KAT2B: variants seen among roughly 807,000 people sequenced by gnomAD.
The protein encoded by KAT2B is histone acetyltransferase KAT2B.
A neutral mutation model predicts 105.9 loss-of-function variants in KAT2B; 36 were observed. That is an observed-to-expected ratio of 0.34 (90% confidence interval 0.26 to 0.45). The LOEUF (loss-of-function observed/expected upper bound fraction) is 0.45. Among genes scored for constraint, KAT2B ranks in the 20% least tolerant of loss-of-function variants. The pLI is 1.00. For missense variants in KAT2B, 820 were observed against 1,021.6 expected, an observed-to-expected ratio of 0.80 and a Z score of 2.69; for synonymous variants, 397 against 377.9, an observed-to-expected ratio of 1.05 and a Z score of -0.59.
chr3:20,064,944 A>G (rs13078078), intron 1 of KAT2B, among the ~76,000 whole-genome samples: 1 of 152,182 alleles, frequency 6.6e-6, no homozygotes, highest in Non-Finnish European at 1.5e-5. Context: ...CCACTCAAAT[A>G]TCTTCACACC....
chr3:20,105,383 G>T (rs1195777532), intron 5 of KAT2B, among the ~76,000 whole-genome samples: 1 of 152,198 alleles, frequency 6.6e-6, no homozygotes, highest in Non-Finnish European at 1.5e-5. Context: ...CTGTCCAACA[G>T]TCTGCTGAAG....
At chr3:20,149,731 A>G (rs1559334752) in intron 17 of KAT2B, among the ~76,000 whole-genome samples, 1 of 152,100 alleles carries the variant, frequency 6.6e-6, no homozygotes, top group Non-Finnish European at 1.5e-5. Flanking sequence ...ACTTACCACT[A>G]TTTATTTCAG....
intron 2 of KAT2B, among the ~76,000 whole-genome samples, chr3:20,079,058 AATT>A (rs747840974): frequency 4.9e-4 from 71 of 144,334 alleles, no homozygotes; most frequent in African/African-American, 1.7e-3. Flanking sequence ...TAATTTTTAT[AATT>A]ATTATTATTA....
intron 2 of KAT2B, 73 bp from the exon 3 acceptor site, chr3:20,095,190 C>T (rs950501561): frequency 2.5e-5 from 31 of 1,242,740 alleles, no homozygotes; most frequent in Non-Finnish European, 3.3e-5. Context: ...GAAAGAGGAC[C>T]TTCCACTTAA....
chr3:20,073,341 C>G (rs1431176238), intron 2 of KAT2B, among the ~76,000 whole-genome samples: 1 of 152,200 alleles, frequency 6.6e-6, no homozygotes, highest in Non-Finnish European at 1.5e-5. Context: ...GCTCTTTCCA[C>G]CTGACCATTA....
rs1698910015 is a variant in KAT2B, at chr3:20,101,501, C to T, written c.851+33C>T. 1.9e-6 allele frequency: 3 copies of T among 1,597,144 alleles called. No homozygotes were observed. The African/African-American group carries it at 4.0e-5, about 21-fold the overall frequency. ...GATGCAAGTTCTTTTCCTTTGGCCC[C>T]ATAAAGCCTGTTACAGACCTAAAAT... On this transcript the variant is annotated intron_variant, in intron 5 of 17. Coordinates refer to ENST00000263754, the MANE Select transcript of KAT2B (RefSeq NM_003884.5).
chr3:20,118,199 A>G (rs1173653628), intron 7 of KAT2B, among the ~76,000 whole-genome samples: 1 of 146,978 alleles, frequency 6.8e-6, no homozygotes, highest in Non-Finnish European at 1.5e-5. Context: ...AAATTTATAT[A>G]TAATATACTA....
intron 14 of KAT2B, 31 bp downstream of exon 14, chr3:20,146,461 T>C (rs564219878): frequency 7.9e-7 from 1 of 1,266,494 alleles, no homozygotes; most frequent in African/African-American, 1.5e-5. Flanking sequence ...AAAAGCGAAA[T>C]TTTTTAGTAA....
intron 17 of KAT2B, among the ~76,000 whole-genome samples, chr3:20,149,324 C>G (rs1044421607): frequency 6.6e-6 from 1 of 151,304 alleles, no homozygotes; most frequent in African/African-American, 2.4e-5. Flanking sequence ...TAGTGAGACC[C>G]TGTCTCTACA....
intron 5 of KAT2B, among the ~76,000 whole-genome samples, chr3:20,107,756 T>A (rs1056048183): frequency 6.6e-6 from 1 of 151,192 alleles, no homozygotes; most frequent in African/African-American, 2.4e-5. Flanking sequence ...CTTACTTTCT[T>A]AGTACTGAGT....
At position 20,134,026 on chromosome 3, in the gene KAT2B, A is replaced by AC. The variant is rs200481068; in HGVS notation, c.1750-2909dup. ...TCTTTGTAATATATGTTGCAACTAC[A>AC]CCCCCCCTCACTTGTCATTTGTCTT... is the stretch of plus-strand genomic sequence containing the variant. On this transcript the variant is annotated intron_variant, in intron 11 of 17. Transcript: ENST00000263754. 6.7e-3 allele frequency among the ~76,000 whole-genome samples: 1,014 copies of AC among 150,896 alleles called. 15 individuals are homozygous for AC. The highest frequency in any genetic ancestry group is 0.023 in the African/African-American group (941 of 40,912).
rs370255992 is a variant in KAT2B at position 20,152,299 on chromosome 3, C to T, written c.2306-33C>T. ...TTGTCAGCTGGTGTTTAAAGGGAGT[C>T]AAAGATTGCTAATATTTTTTTTTCC... On this transcript the variant is annotated intron_variant, in intron 17 of 17. Coordinates refer to ENST00000263754, the MANE Select transcript of KAT2B (RefSeq NM_003884.5). 1.3e-5 allele frequency: 20 copies of T among 1,549,920 alleles called. No homozygotes were observed. The African/African-American group carries it at 2.0e-4, about 16-fold the overall frequency.
intron 2 of KAT2B, among the ~76,000 whole-genome samples, chr3:20,091,381 C>T (rs1698715689): frequency 6.6e-6 from 1 of 151,872 alleles, no homozygotes. Context: ...TGAGTCTTCT[C>T]TTTTATTTCT....
In KAT2B at chr3:20,040,783, A is replaced by G; in HGVS notation, c.303+3A>G. Reference sequence around the variant, plus strand: ...TCGGAGTGTACTCCGCCTGCAAGGTACGCGCTCGCCGCTCTCGGACCGCGG... The same window carrying G: ...TCGGAGTGTACTCCGCCTGCAAGGTGCGCGCTCGCCGCTCTCGGACCGCGG... On this transcript the variant is annotated splice_donor_region_variant and intron_variant, in intron 1 of 17. Coordinates refer to ENST00000263754, the MANE Select transcript of KAT2B (RefSeq NM_003884.5). 6.3e-7 allele frequency: 1 copy of G among 1,586,804 alleles called. No individual in the cohort carries two copies. Among genetic ancestry groups the G allele is most frequent in the Non-Finnish European group, 8.5e-7 (1 of 1,170,376 alleles).
chr3:20,079,963 G>A (rs760031254), intron 2 of KAT2B, among the ~76,000 whole-genome samples: 28 of 152,264 alleles, frequency 1.8e-4, no homozygotes, highest in Non-Finnish European at 2.1e-4. Flanking sequence ...TCTCCCTGAC[G>A]TCCTCTGGTC....
At chr3:20,128,588 G>A (rs923287672) in intron 11 of KAT2B, among the ~76,000 whole-genome samples, 10 of 152,146 alleles carry the variant, frequency 6.6e-5, no homozygotes, top group African/African-American at 2.4e-4. Flanking sequence ...TGGTATTGCA[G>A]TTGGTGTCGC....
At chr3:20,137,386 C>T (rs570160566) in intron 12 of KAT2B, among the ~76,000 whole-genome samples, 1 of 152,260 alleles carries the variant, frequency 6.6e-6, no homozygotes, top group South Asian at 2.1e-4. Flanking sequence ...ATGAGAAAAA[C>T]AGATTCAGTT....
In KAT2B at chr3:20,122,724, G is replaced by C. The variant is rs771703439; in HGVS notation, c.1333G>C (p.Val445Leu). The C allele has an allele frequency of 2.0e-5, 33 of 1,613,918 alleles. No homozygotes were observed. Residue 445 changes from valine to leucine, a missense_variant, in exon 9 of 18, where the codon GTT becomes CTT. Physicochemically the swap from Val to Leu is conservative, Grantham distance 32. This residue lies in a region of KAT2B where 225 missense variants were observed against 268.1 expected (regional missense o/e 0.84). Coordinates refer to ENST00000263754, the MANE Select transcript of KAT2B (RefSeq NM_003884.5). The stretch of plus-strand genomic sequence containing the variant: ...TCTGGAGGAGGCCAAGAAACCCCGA[G>C]TTATGGGGGATATTCCGATGGAATT... Reference protein sequence around the residue: ...HVLEEAKKPRVMGDIPMELIN... With the variant: ...HVLEEAKKPRLMGDIPMELIN...
rs571468347 is a variant in KAT2B at position 20,092,735 on chromosome 3, C to T, written c.431-2528C>T. Among the ~76,000 whole-genome samples, 6 of 151,078 alleles carry T rather than the reference C, an allele frequency of 4.0e-5. No homozygotes were observed. The South Asian group carries it at 1.3e-3, about 32-fold the overall frequency. On this transcript the variant is annotated intron_variant, in intron 2 of 17. Transcript: ENST00000263754. ...TTGTTGTTTTTGAGATGGAGTCTCC[C>T]TCTGTCACTAGGCTGGAGTGCACTG...
Sources: gnomAD v4.1 joint callset for allele counts (sites outside exome capture counted in the v4.1 genomes callset) on GRCh38, gnomAD v4.1.1 for gene constraint, gnomAD v4.1.1 regional missense constraint, MANE v1.5 for transcripts, NCBI Gene and HGNC (gene_info 2026-07-23, HGNC 2026-07-21) for gene names.